The following SLC25A25 variants were observed in gnomAD, a reference collection of about 807,000 sequenced individuals.
SLC25A25 encodes solute carrier family 25 member 25.
SLC25A25 carries 32 observed loss-of-function variants against 57.7 expected under a neutral mutation model. The ratio of observed to expected loss-of-function variants is 0.55; its 90% CI spans 0.42 to 0.74. The LOEUF is 0.74. Ranked by LOEUF, SLC25A25 falls within the 30% of genes least tolerant of loss-of-function variation. The pLI, the probability that SLC25A25 is intolerant of heterozygous loss-of-function variation, is 0.00. For missense variants in SLC25A25, 556 were observed against 701.3 expected (o/e 0.79, Z 2.34); for synonymous variants, 306 against 291.2 (o/e 1.05, Z -0.52).
intron 1 of SLC25A25, among the ~76,000 whole-genome samples, chr9:128,092,301 T>C (rs192262052): frequency 9.0e-4 from 137 of 152,328 alleles, no homozygotes; most frequent in African/African-American, 3.0e-3. Flanking sequence ...AGCACCCCAG[T>C]GTGGCTGTTG....
At chr9:128,097,985 T>C (rs917854692) in intron 1 of SLC25A25, among the ~76,000 whole-genome samples, 8 of 152,176 alleles carry the variant, frequency 5.3e-5, no homozygotes, top group Admixed American at 3.3e-4. Context: ...GGGTCCACTT[T>C]CCAGGGTGGC....
In SLC25A25 at chr9:128,068,382, C is replaced by T. The variant is rs753532882; in HGVS notation, c.63C>T (p.Ala21=). Residue 21 remains alanine, a synonymous_variant, in exon 1 of 11, where the codon GCC becomes GCT. Coordinates refer to ENST00000373069, the MANE Select transcript of SLC25A25 (RefSeq NM_001330988.2). ...CGCCGCCGGACGCCGCCGCCACCGC[C>T]GCCTCTTCGTCTGCCTCATCGCCGG... ...ASPPPDAAAT[A]ASSSASSPAS... 1 of 1,553,192 alleles carries T rather than the reference C, an allele frequency of 6.4e-7. No individual in the cohort carries two copies. The highest frequency in any genetic ancestry group is 1.2e-5 in the South Asian group (1 of 86,196).
rs894192140 is a variant in SLC25A25, at chr9:128,102,433, C to T, written c.576C>T (p.His192=). The T allele has an allele frequency of 1.9e-6, 3 of 1,614,000 alleles. No individual in the cohort carries two copies. The highest frequency in any genetic ancestry group is 2.5e-6 in the Non-Finnish European group (3 of 1,179,930). The change falls in exon 5 of 11, where the codon CAC becomes CAT. Residue 192 remains histidine, a synonymous_variant. Transcript: ENST00000373069. The surrounding 1 kb of genome is among the most constrained non-coding windows in gnomAD (Gnocchi z 4.1). ...AGTGGAGAGACTACCACCTCCTCCACCCCGTGGAAAACATCCCCGAGATCA... is the reference window on the plus strand; with the variant it reads ...AGTGGAGAGACTACCACCTCCTCCATCCCGTGGAAAACATCCCCGAGATCA... ...WNEWRDYHLL[H]PVENIPEIIL...
chr9:128,082,652 A>G (rs947972549), intron 1 of SLC25A25, among the ~76,000 whole-genome samples: 5 of 148,650 alleles, frequency 3.4e-5, no homozygotes, highest in Non-Finnish European at 7.4e-5. Context: ...TATTATTTTT[A>G]TTTTATTTTA....
At chr9:128,087,418 T>A (rs9775643) in intron 1 of SLC25A25, among the ~76,000 whole-genome samples, 1 of 151,836 alleles carries the variant, frequency 6.6e-6, no homozygotes, top group South Asian at 2.1e-4. Flanking sequence ...TGAGCCACCA[T>A]GCCTGGCCAG....
intron 1 of SLC25A25, among the ~76,000 whole-genome samples, chr9:128,072,455 A>G (rs1381255231): frequency 2.6e-5 from 4 of 152,206 alleles, no homozygotes; most frequent in Admixed American, 6.5e-5. Flanking sequence ...GTGAGTGCTT[A>G]TCAGGGGGTG....
At chr9:128,096,342 CT>C (rs980480952) in intron 1 of SLC25A25, among the ~76,000 whole-genome samples, 11 of 152,114 alleles carry the variant, frequency 7.2e-5, no homozygotes, top group Admixed American at 6.6e-5. Context: ...AACCTAGTCT[CT>C]ACTAAAAATA....
At position 128,068,247 on chromosome 9, in the gene SLC25A25, T is replaced by C. The variant is rs1832821443; in HGVS notation, c.-73T>C. ...GCTCCCAGCTGCAGAGCGCCTGGCT[T>C]GCCTCCCGCGCGGTCACCGCCGGCC... On this transcript the variant is annotated 5_prime_UTR_variant, in exon 1 of 11. Coordinates refer to ENST00000373069, the MANE Select transcript of SLC25A25 (RefSeq NM_001330988.2). 2 of 884,006 alleles carry C rather than the reference T, an allele frequency of 2.3e-6. No homozygotes were observed. Among genetic ancestry groups the C allele is most frequent in the African/African-American group, 1.8e-5 (1 of 56,624 alleles). 54.8% of individuals were successfully genotyped at this position (884,006 alleles called of 1,614,324 possible). A position where few individuals can be genotyped will look rare whatever the true frequency, so the allele number is the denominator to read the frequency against.
chr9:128,098,242 T>G (rs775406063), intron 1 of SLC25A25: 7 of 230,698 alleles, frequency 3.0e-5, no homozygotes, highest in Non-Finnish European at 5.1e-5. Context: ...CTGTACCTGG[T>G]ACCCAGGCAG....
chr9:128,075,707 T>C (rs953252471), intron 1 of SLC25A25, among the ~76,000 whole-genome samples: 4 of 151,862 alleles, frequency 2.6e-5, no homozygotes, highest in Admixed American at 2.6e-4. Flanking sequence ...AGCCAGGCGT[T>C]GTGGTGTGCA....
In SLC25A25 at chr9:128,101,867, C is replaced by G. The variant is rs994588327; in HGVS notation, c.477-213C>G. On this transcript the variant is annotated intron_variant, in intron 3 of 10. Transcript: ENST00000373069. This position sits in a 1 kb window ranked among gnomAD's most constrained non-coding sequence, Gnocchi z 4.9. ...CTCATGGAACAGCCCTGGGAGTTGC[C>G]GTCTGTCCTGGCTGGACCTTCCGGA... 6.6e-6 allele frequency among the ~76,000 whole-genome samples: 1 copy of G among 152,172 alleles called. No individual in the cohort carries two copies. The highest frequency in any genetic ancestry group is 6.5e-5 in the Admixed American group (1 of 15,278).
chr9:128,076,196 A>C (rs1833007346), intron 1 of SLC25A25, among the ~76,000 whole-genome samples: 1 of 152,136 alleles, frequency 6.6e-6, no homozygotes, highest in Non-Finnish European at 1.5e-5. Context: ...CAGTGGTTCA[A>C]TCACAGCTCA....
rs765024526 is a variant in SLC25A25, at chr9:128,101,296, T to A, written c.389-13T>A. On this transcript the variant is annotated splice_polypyrimidine_tract_variant and intron_variant, in intron 2 of 10. Coordinates refer to ENST00000373069, the MANE Select transcript of SLC25A25 (RefSeq NM_001330988.2). This position sits in a 1 kb window ranked among gnomAD's most constrained non-coding sequence, Gnocchi z 4.9. ...GTGCGCCTGGCTCCTGCTCACGGCC[T>A]CTGTTCTTGCAGGACGCATTGACGC... 4 of 1,614,278 alleles carry A rather than the reference T, an allele frequency of 2.5e-6. No homozygotes were observed. The South Asian group carries it at 4.4e-5, about 18-fold the overall frequency.
intron 6 of SLC25A25, among the ~76,000 whole-genome samples, chr9:128,105,395 T>C (rs2130826097): frequency 6.6e-6 from 1 of 152,070 alleles, no homozygotes; most frequent in South Asian, 2.1e-4. Context: ...GGTCTCGAAC[T>C]CCTGAACTCA....
chr9:128,080,349 C>CAAAA (rs775059465), intron 1 of SLC25A25, among the ~76,000 whole-genome samples: 5 of 108,650 alleles, frequency 4.6e-5, no homozygotes, highest in African/African-American at 1.6e-4. Context: ...GACTCCATCC[C>CAAAA]AAAAAAAAAA....
Position 128,103,909 on chromosome 9 carries a change from T to C in SLC25A25, c.783+70T>C. On this transcript the variant is annotated intron_variant, in intron 6 of 10. Coordinates refer to ENST00000373069, the MANE Select transcript of SLC25A25 (RefSeq NM_001330988.2). This position sits in a 1 kb window ranked among gnomAD's most constrained non-coding sequence, Gnocchi z 6.7. ...CCTGGGGGATGCTGCTTGGCTAGTT[T>C]TCCCTTTCTCTGGCTGGTGCCTGCT... 1.4e-6 allele frequency: 2 copies of C among 1,449,920 alleles called. No homozygotes were observed. Among genetic ancestry groups the C allele is most frequent in the Non-Finnish European group, 9.1e-7 (1 of 1,098,320 alleles). The allele number at this position is 1,449,920 out of a possible 1,614,324, so 89.8% of individuals were successfully genotyped here. A position where few individuals can be genotyped will look rare whatever the true frequency, so the allele number is the denominator to read the frequency against.
At chr9:128,084,913 C>T (rs1588759727) in intron 1 of SLC25A25, among the ~76,000 whole-genome samples, 1 of 152,342 alleles carries the variant, frequency 6.6e-6, no homozygotes, top group East Asian at 1.9e-4. Flanking sequence ...AAGAGGGTTA[C>T]ACTTGGCAGT....
chr9:128,070,811 A>G (rs1401298942), intron 1 of SLC25A25, among the ~76,000 whole-genome samples: 1 of 151,682 alleles, frequency 6.6e-6, no homozygotes, highest in Non-Finnish European at 1.5e-5. Flanking sequence ...ATTAACGGGG[A>G]GTGGTGGCGC....
chr9:128,100,900 TG>T, intron 1 of SLC25A25, 195 bp from the exon 2 acceptor site: 1 of 661,254 alleles, frequency 1.5e-6, no homozygotes, highest in Non-Finnish European at 2.5e-6. Flanking sequence ...GGCCAGCACC[TG>T]GGGTTCTAGG....
Sources: allele counts gnomAD v4.1 joint callset (sites outside exome capture counted in the v4.1 genomes callset), GRCh38; gene constraint gnomAD v4.1.1; non-coding constraint Gnocchi (gnomAD v3.1); transcripts MANE v1.5; gene names NCBI Gene and HGNC (gene_info 2026-07-23, HGNC 2026-07-21).